The following IQCK variants were observed in gnomAD, a reference collection of about 807,000 sequenced individuals.
The protein encoded by IQCK is IQ motif containing K.
A neutral mutation model predicts 28.1 loss-of-function variants in IQCK; 29 were observed. The ratio of observed to expected loss-of-function variants is 1.03; its 90% CI spans 0.77 to 1.41. IQCK has a LOEUF of 1.41. IQCK is among the 40% of genes most tolerant of loss of function. IQCK has a pLI of 0.00. For synonymous variants in IQCK, 113 were observed against 115.1 expected, an observed-to-expected ratio of 0.98 and a Z score of 0.12; for missense variants, 359 against 314.7, an observed-to-expected ratio of 1.14 and a Z score of -1.07.
At chr16:19,783,907 G>T (rs2055527800) in intron 6 of IQCK, among the ~76,000 whole-genome samples, 1 of 152,146 alleles carries the variant, frequency 6.6e-6, no homozygotes, top group Admixed American at 6.5e-5. Flanking sequence ...CTCTGTTTGG[G>T]CTCACCCGTT....
Position 19,733,695 on chromosome 16 carries a change from C to T in IQCK, c.247-3C>T. 1.2e-6 allele frequency: 2 copies of T among 1,613,644 alleles called. No homozygotes were observed. The highest frequency in any genetic ancestry group is 1.7e-6 in the Non-Finnish European group (2 of 1,179,904). ...TTGCCTCCCCTCCCCTGTCTGCCTC[C>T]AGGTTGCGCCAGTAGAGGAAATGCT... On this transcript the variant is annotated splice_polypyrimidine_tract_variant and splice_region_variant and intron_variant, in intron 2 of 7. Transcript: ENST00000564186.
At chr16:19,783,422 G>T (rs565503068) in intron 6 of IQCK, among the ~76,000 whole-genome samples, 2 of 152,234 alleles carry the variant, frequency 1.3e-5, no homozygotes, top group South Asian at 4.1e-4. Flanking sequence ...TATCGTGCCC[G>T]TCTGAACATG....
intron 9 of IQCK, among the ~76,000 whole-genome samples, chr16:19,849,171 C>G (rs955916202): frequency 2.0e-5 from 3 of 151,756 alleles, no homozygotes; most frequent in Admixed American, 2.0e-4. Context: ...GAAAGTTTCC[C>G]CCAGTTGTAT....
chr16:19,811,469 G>A (rs540268412), intron 7 of IQCK, among the ~76,000 whole-genome samples: 9 of 152,102 alleles, frequency 5.9e-5, no homozygotes, highest in Non-Finnish European at 1.0e-4. Flanking sequence ...CTGAGCTGTT[G>A]GGGGAAATTC....
intron 1 of IQCK, among the ~76,000 whole-genome samples, chr16:19,727,899 C>T (rs1201333965): frequency 1.3e-5 from 2 of 152,058 alleles, no homozygotes; most frequent in East Asian, 3.9e-4. Flanking sequence ...AGGCGGAATT[C>T]TAAGATAGCC....
chr16:19,738,787 T>C (rs1346489899), intron 4 of IQCK, among the ~76,000 whole-genome samples: 1 of 152,206 alleles, frequency 6.6e-6, no homozygotes, highest in African/African-American at 2.4e-5. Flanking sequence ...CTGAGTGGTG[T>C]CACTCTTGTT....
chr16:19,736,498 C>T (rs900572752), intron 4 of IQCK, among the ~76,000 whole-genome samples: 3 of 152,018 alleles, frequency 2.0e-5, no homozygotes, highest in Non-Finnish European at 4.4e-5. Context: ...AACCGAGTTC[C>T]GATGCTGGCC....
intron 4 of IQCK, among the ~76,000 whole-genome samples, chr16:19,759,415 G>A (rs2055104251): frequency 6.6e-6 from 1 of 151,944 alleles, no homozygotes; most frequent in Non-Finnish European, 1.5e-5. Context: ...TGCCATGTTG[G>A]CCAGGCTGGT....
At chr16:19,734,670 A>G (rs1193563067) in intron 3 of IQCK, among the ~76,000 whole-genome samples, 1 of 148,322 alleles carries the variant, frequency 6.7e-6, no homozygotes, top group African/African-American at 2.5e-5. Context: ...AGTCTCAGCT[A>G]TTTGGGAGGC....
At chr16:19,735,829 G>A in intron 4 of IQCK, 1 of 337,154 alleles carries the variant, frequency 3.0e-6, no homozygotes, top group South Asian at 2.5e-5. Flanking sequence ...TTGGGAAGCT[G>A]AGGTGGGAGG....
intron 7 of IQCK, among the ~76,000 whole-genome samples, chr16:19,823,679 G>C (rs544498978): frequency 1.3e-5 from 2 of 152,326 alleles, no homozygotes; most frequent in South Asian, 2.1e-4. Flanking sequence ...GCTCACGCCT[G>C]TAATACCAGC....
chr16:19,829,368 G>T (rs1011238594), downstream of IQCK, among the ~76,000 whole-genome samples: 3 of 147,378 alleles, frequency 2.0e-5, no homozygotes, highest in Non-Finnish European at 4.5e-5. Flanking sequence ...ACAGAGTCTC[G>T]CTCTGTCACC....
chr16:19,841,461 G>A (rs2056361295), intron 9 of IQCK, among the ~76,000 whole-genome samples: 1 of 152,164 alleles, frequency 6.6e-6, no homozygotes, highest in African/African-American at 2.4e-5. Context: ...TAGGCTTAGA[G>A]TCCCAAGACC....
intron 4 of IQCK, among the ~76,000 whole-genome samples, chr16:19,744,410 G>C (rs2054878651): frequency 6.6e-6 from 1 of 152,104 alleles, no homozygotes; most frequent in Non-Finnish European, 1.5e-5. Context: ...GGATTACAGG[G>C]ATAAGCCAGT....
At chr16:19,743,552 C>T (rs1290695966) in intron 4 of IQCK, among the ~76,000 whole-genome samples, 2 of 152,248 alleles carry the variant, frequency 1.3e-5, no homozygotes, top group African/African-American at 4.8e-5. Context: ...TACCTGCAGT[C>T]ACTCATTTAA....
intron 9 of IQCK, among the ~76,000 whole-genome samples, chr16:19,835,007 A>G (rs1049231663): frequency 2.6e-5 from 4 of 152,160 alleles, no homozygotes; most frequent in Non-Finnish European, 5.9e-5. Context: ...GCTCATGCCT[A>G]TAGCTCCAGC....
intron 7 of IQCK, among the ~76,000 whole-genome samples, chr16:19,815,373 G>A (rs570394891): frequency 9.7e-4 from 147 of 152,278 alleles, no homozygotes; most frequent in African/African-American, 3.4e-3. Flanking sequence ...CTTAAAGGCC[G>A]ACGCCAGTGG....
At chr16:19,835,961 G>T (rs1292597479) in intron 9 of IQCK, among the ~76,000 whole-genome samples, 1 of 152,108 alleles carries the variant, frequency 6.6e-6, no homozygotes, top group Admixed American at 6.6e-5. Context: ...ATTAAATTTA[G>T]ACAGTGATCA....
chr16:19,828,746 G>A (rs1049439320), downstream of IQCK, among the ~76,000 whole-genome samples: 9 of 148,748 alleles, frequency 6.1e-5, no homozygotes, highest in Middle Eastern at 3.2e-3. Context: ...GCATGGTGGC[G>A]GGCACCTGTA....
Sources: gnomAD v4.1 joint callset for allele counts (sites outside exome capture counted in the v4.1 genomes callset) on GRCh38, gnomAD v4.1.1 for gene constraint, MANE v1.5 for transcripts, NCBI Gene and HGNC (gene_info 2026-07-23, HGNC 2026-07-21) for gene names.